Variants in BORCS5 observed in about 807,000 individuals in gnomAD.
The protein encoded by BORCS5 is BLOC-1-related complex subunit 5.
BORCS5 carries 17 observed loss-of-function variants against 22.1 expected under a neutral mutation model. That is an observed-to-expected ratio of 0.77 (90% confidence interval 0.53 to 1.15). BORCS5 has a LOEUF of 1.15. BORCS5 is among the 50% of genes most tolerant of loss of function. BORCS5 has a pLI of 0.00. For synonymous variants in BORCS5, 117 were observed against 99.8 expected, an observed-to-expected ratio of 1.17 and a Z score of -1.03; for missense variants, 247 against 253.2, an observed-to-expected ratio of 0.98 and a Z score of 0.17.
chr12:12,412,141 T>C (rs1456395905), intron 2 of BORCS5, among the ~76,000 whole-genome samples: 2 of 152,238 alleles, frequency 1.3e-5, no homozygotes, highest in Non-Finnish European at 2.9e-5. Flanking sequence ...GGATGGATCT[T>C]TCTATTTCTG....
At chr12:12,400,081 T>A (rs556345661) in intron 2 of BORCS5, among the ~76,000 whole-genome samples, 1 of 152,394 alleles carries the variant, frequency 6.6e-6, no homozygotes, top group East Asian at 1.9e-4. Context: ...ACTTAGAACC[T>A]TGGCTTCGCA....
At chr12:12,418,330 A>G (rs1181061829) in intron 2 of BORCS5, among the ~76,000 whole-genome samples, 4 of 151,612 alleles carry the variant, frequency 2.6e-5, no homozygotes, top group South Asian at 4.2e-4. Context: ...GAGCCACCAC[A>G]CCCGGCCTGA....
chr12:12,359,824 G>C (rs900706289), intron 1 of BORCS5, among the ~76,000 whole-genome samples: 3 of 152,108 alleles, frequency 2.0e-5, no homozygotes, highest in African/African-American at 7.2e-5. Flanking sequence ...GTGTCGCAGA[G>C]ATGGGCCTTG....
At chr12:12,452,114 A>C in intron 3 of BORCS5, 2 of 502,114 alleles carry the variant, frequency 4.0e-6, no homozygotes, top group South Asian at 3.3e-5. Context: ...TATTTAAAAG[A>C]GGGCAGGTTT....
At chr12:12,366,344 A>G (rs1863407151) in intron 2 of BORCS5, among the ~76,000 whole-genome samples, 1 of 152,174 alleles carries the variant, frequency 6.6e-6, no homozygotes, top group Non-Finnish European at 1.5e-5. Context: ...GTTTGGGGCT[A>G]TTTGTATGAC....
chr12:12,457,320 C>A (rs1943015241), intron 3 of BORCS5, among the ~76,000 whole-genome samples: 1 of 152,218 alleles, frequency 6.6e-6, no homozygotes, highest in Non-Finnish European at 1.5e-5. Context: ...TGACTCAGTT[C>A]TGTCTGATGC....
chr12:12,444,926 A>G (rs1031887171), intron 3 of BORCS5, among the ~76,000 whole-genome samples: 1 of 152,244 alleles, frequency 6.6e-6, no homozygotes, highest in Non-Finnish European at 1.5e-5. Context: ...AGGATAGCTA[A>G]TGAGCTTAAA....
chr12:12,433,806 T>C (rs10845541), intron 2 of BORCS5, among the ~76,000 whole-genome samples: 94,669 of 152,018 alleles, frequency 0.62, 30,638 homozygotes, highest in African/African-American at 0.79. Context: ...CAGCCCTGTA[T>C]GCTGCTCTGT....
intron 2 of BORCS5, among the ~76,000 whole-genome samples, chr12:12,428,111 T>C (rs1350444248): frequency 6.6e-6 from 1 of 152,236 alleles, no homozygotes; most frequent in Admixed American, 6.5e-5. Context: ...TCGTTATGTG[T>C]CCCAATATTT....
intron 2 of BORCS5, among the ~76,000 whole-genome samples, chr12:12,388,092 G>T (rs1398840811): frequency 1.3e-5 from 2 of 151,314 alleles, no homozygotes; most frequent in Non-Finnish European, 3.0e-5. Context: ...ACTAACATTT[G>T]TGATTATTAT....
At chr12:12,411,494 A>C (rs1941730753) in intron 2 of BORCS5, among the ~76,000 whole-genome samples, 1 of 152,130 alleles carries the variant, frequency 6.6e-6, no homozygotes, top group Non-Finnish European at 1.5e-5. Context: ...TATAATATAC[A>C]TGTATATAAT....
chr12:12,459,790 A>C (rs949896060), intron 3 of BORCS5, among the ~76,000 whole-genome samples: 18 of 152,106 alleles, frequency 1.2e-4, no homozygotes, highest in African/African-American at 4.3e-4. Flanking sequence ...TTGTTGAAAA[A>C]CTTTTTTCCC....
At chr12:12,428,238 G>C (rs1942337142) in intron 2 of BORCS5, among the ~76,000 whole-genome samples, 1 of 152,126 alleles carries the variant, frequency 6.6e-6, no homozygotes, top group Non-Finnish European at 1.5e-5. Context: ...GAGAAACTGT[G>C]GGTTTCCCCC....
chr12:12,470,346 G>C lies in BORCS5; in HGVS notation c.*4570G>C, dbSNP rs1943273156. On this transcript the variant is annotated 3_prime_UTR_variant, in exon 4 of 4. Coordinates refer to ENST00000314565, the MANE Select transcript of BORCS5 (RefSeq NM_058169.6). The stretch of plus-strand genomic sequence containing the variant: ...GCCTCCCAAAGTACTGGGATTACAG[G>C]CGTGAGCCACTGCACCTGGCCAGCT... Among the ~76,000 whole-genome samples, 1 of 152,172 alleles carries C rather than the reference G, an allele frequency of 6.6e-6. No individual in the cohort carries two copies. Among genetic ancestry groups the C allele is most frequent in the Non-Finnish European group, 1.5e-5 (1 of 68,028 alleles).
intron 2 of BORCS5, among the ~76,000 whole-genome samples, chr12:12,383,603 CTT>C (rs574652118): frequency 2.9e-5 from 4 of 139,510 alleles, no homozygotes; most frequent in East Asian, 2.1e-4. Flanking sequence ...ATGTCTTTGT[CTT>C]TTTTTTTTTT....
At chr12:12,367,536 A>G (rs1863430359) in intron 2 of BORCS5, among the ~76,000 whole-genome samples, 1 of 152,254 alleles carries the variant, frequency 6.6e-6, no homozygotes, top group Admixed American at 6.5e-5. Context: ...TTAAGCTTTT[A>G]AACATGGCTA....
chr12:12,358,971 C>A (rs1241736939), intron 1 of BORCS5, among the ~76,000 whole-genome samples: 1 of 152,190 alleles, frequency 6.6e-6, no homozygotes. Flanking sequence ...TCTATGGCAT[C>A]CCTGGATTAA....
chr12:12,454,301 T>G (rs1314966287), intron 3 of BORCS5, among the ~76,000 whole-genome samples: 2 of 152,250 alleles, frequency 1.3e-5, no homozygotes, highest in African/African-American at 4.8e-5. Flanking sequence ...TTACCAGCAA[T>G]GCACAGGGGT....
At chr12:12,399,996 T>C (rs1565869168) in intron 2 of BORCS5, among the ~76,000 whole-genome samples, 1 of 152,232 alleles carries the variant, frequency 6.6e-6, no homozygotes, top group Non-Finnish European at 1.5e-5. Context: ...TTAAATGTTA[T>C]TAAATAAGAT....
Sources: gnomAD v4.1 joint callset for allele counts (sites outside exome capture counted in the v4.1 genomes callset) on GRCh38, gnomAD v4.1.1 for gene constraint, MANE v1.5 for transcripts, NCBI Gene and HGNC (gene_info 2026-07-23, HGNC 2026-07-21) for gene names.